The following LNP1 variants were observed in gnomAD, a reference collection of about 807,000 sequenced individuals.
LNP1 encodes the protein leukemia NUP98 fusion partner 1.
In LNP1, 12 loss-of-function variants were observed where a neutral mutation model predicts 14.5. The observed-to-expected ratio is 0.83, with a 90% CI of 0.53 to 1.34. The LOEUF (loss-of-function observed/expected upper bound fraction) is 1.34. Among genes scored for constraint, LNP1 ranks in the 40% most tolerant of loss-of-function variants. LNP1 has a pLI of 0.00. For synonymous variants in LNP1, 75 were observed against 71.4 expected (o/e 1.05, Z -0.26); for missense variants, 198 against 210.9 (o/e 0.94, Z 0.38).
chr3:100,440,412 C>G (rs1360472613), intron 2 of LNP1, among the ~76,000 whole-genome samples: 2 of 152,098 alleles, frequency 1.3e-5, no homozygotes, highest in Admixed American at 6.6e-5. Context: ...ATATTTTAAG[C>G]TTCTTAACAC....
chr3:100,416,273 C>G, intron 1 of LNP1, among the ~76,000 whole-genome samples: 1 of 152,050 alleles, frequency 6.6e-6, no homozygotes, highest in South Asian at 2.1e-4. Flanking sequence ...GGCTTTGAGT[C>G]TTTTTGAAAA....
intron 1 of LNP1, among the ~76,000 whole-genome samples, chr3:100,423,008 T>C (rs1050632507): frequency 6.6e-6 from 1 of 152,020 alleles, no homozygotes; most frequent in Non-Finnish European, 1.5e-5. Context: ...AACTTGATAA[T>C]ATACAAGGAA....
intron 2 of LNP1, among the ~76,000 whole-genome samples, chr3:100,430,938 A>G (rs1011214866): frequency 3.3e-5 from 5 of 152,216 alleles, no homozygotes; most frequent in African/African-American, 1.2e-4. Context: ...TCAGGTTGCT[A>G]AAGTGAAAAA....
chr3:100,441,474 CATTAT>C (rs1707343593), intron 2 of LNP1, among the ~76,000 whole-genome samples: 1 of 152,050 alleles, frequency 6.6e-6, no homozygotes, highest in East Asian at 1.9e-4. Context: ...TGATTGATGT[CATTAT>C]ATTATATGAT....
chr3:100,405,801 T>C (rs2148897888), intron 1 of LNP1, among the ~76,000 whole-genome samples: 2 of 152,332 alleles, frequency 1.3e-5, no homozygotes, highest in Admixed American at 1.3e-4. Context: ...CTCTCTTCTA[T>C]GTGTCACCCT....
At chr3:100,411,874 G>A (rs1258843147) in intron 1 of LNP1, among the ~76,000 whole-genome samples, 4 of 152,028 alleles carry the variant, frequency 2.6e-5, no homozygotes, top group African/African-American at 7.3e-5. Context: ...TATGGATTTT[G>A]GGGGAACACG....
chr3:100,451,958 C>A lies in LNP1; in HGVS notation c.387+9C>A, dbSNP rs1162618908. 1.9e-6 allele frequency: 3 copies of A among 1,576,128 alleles called. No individual in the cohort carries two copies. The highest frequency in any genetic ancestry group is 2.6e-6 in the Non-Finnish European group (3 of 1,153,958). On this transcript the variant is annotated intron_variant, in intron 3 of 3. Coordinates refer to ENST00000383693, the MANE Select transcript of LNP1 (RefSeq NM_001085451.2). The stretch of plus-strand genomic sequence containing the variant: ...AGCGTTCTGCCTCTTTGGTATGTAA[C>A]AGAGCTACTGAATATTTAAGCCGCT...
chr3:100,455,609 C>T (rs763160770), intron 3 of LNP1, among the ~76,000 whole-genome samples, 168 bp from the exon 4 acceptor site: 13 of 152,192 alleles, frequency 8.5e-5, no homozygotes, highest in East Asian at 1.9e-4. Context: ...TCTTTGTGAC[C>T]GAAACCTTTA....
chr3:100,447,522 A>C (rs978051254), intron 2 of LNP1, among the ~76,000 whole-genome samples: 11 of 152,132 alleles, frequency 7.2e-5, no homozygotes, highest in Admixed American at 5.9e-4. Flanking sequence ...TGGGTGCAGC[A>C]AACCAACCTG....
At chr3:100,432,218 A>G (rs1471141204) in intron 2 of LNP1, among the ~76,000 whole-genome samples, 1 of 151,502 alleles carries the variant, frequency 6.6e-6, no homozygotes, top group Non-Finnish European at 1.5e-5. Flanking sequence ...AACCATCAAT[A>G]TTACATTAAG....
intron 2 of LNP1, among the ~76,000 whole-genome samples, chr3:100,435,351 A>T (rs1333112207): frequency 1.3e-5 from 2 of 152,200 alleles, no homozygotes; most frequent in Non-Finnish European, 2.9e-5. Context: ...AACTCTGAGC[A>T]AGCTGCTTGA....
chr3:100,449,737 ATGTT>A (rs1469440722), intron 2 of LNP1, among the ~76,000 whole-genome samples: 1 of 152,198 alleles, frequency 6.6e-6, no homozygotes, highest in African/African-American at 2.4e-5. Flanking sequence ...CACATCTTGA[ATGTT>A]AGCTTTTAAT....
chr3:100,452,697 T>C (rs1364997763), intron 3 of LNP1, among the ~76,000 whole-genome samples: 3 of 152,216 alleles, frequency 2.0e-5, no homozygotes, highest in South Asian at 2.1e-4. Context: ...GACCAAACAC[T>C]GTCTAGTAAG....
chr3:100,421,971 A>G (rs937126122), intron 1 of LNP1, among the ~76,000 whole-genome samples: 1 of 152,024 alleles, frequency 6.6e-6, no homozygotes, highest in Non-Finnish European at 1.5e-5. Flanking sequence ...CCTCTCCTTT[A>G]TTGTAAATTG....
At chr3:100,442,418 G>A (rs1366136486) in intron 2 of LNP1, among the ~76,000 whole-genome samples, 1 of 152,112 alleles carries the variant, frequency 6.6e-6, no homozygotes, top group Non-Finnish European at 1.5e-5. Flanking sequence ...GTGGTCAGAG[G>A]ACAGTTTGGT....
At chr3:100,405,013 C>T (rs1248226184) in intron 1 of LNP1, among the ~76,000 whole-genome samples, 3 of 152,016 alleles carry the variant, frequency 2.0e-5, no homozygotes, top group Non-Finnish European at 4.4e-5. Flanking sequence ...AGGATGGTCT[C>T]GATCTTCTGA....
chr3:100,410,941 G>C (rs1707026336), intron 1 of LNP1, among the ~76,000 whole-genome samples: 1 of 152,104 alleles, frequency 6.6e-6, no homozygotes, highest in Non-Finnish European at 1.5e-5. Flanking sequence ...AGTTTTGGTG[G>C]GTCAGGAACC....
intron 1 of LNP1, among the ~76,000 whole-genome samples, chr3:100,411,521 A>G (rs1224452341): frequency 1.3e-5 from 2 of 152,234 alleles, no homozygotes; most frequent in Non-Finnish European, 2.9e-5. Flanking sequence ...GTAGTACTCT[A>G]CAAGTGTTGC....
At chr3:100,411,039 C>A (rs140927839) in intron 1 of LNP1, among the ~76,000 whole-genome samples, 89 of 152,260 alleles carry the variant, frequency 5.8e-4, no homozygotes, top group African/African-American at 2.1e-3. Context: ...AGGGGCAAGG[C>A]TACCCTGTAG....
Sources: allele counts gnomAD v4.1 joint callset (sites outside exome capture counted in the v4.1 genomes callset), GRCh38; gene constraint gnomAD v4.1.1; transcripts MANE v1.5; gene names NCBI Gene and HGNC (gene_info 2026-07-23, HGNC 2026-07-21).